CDH13: variants seen among roughly 807,000 people sequenced by gnomAD.
CDH13 encodes the protein cadherin 13.
In CDH13, 24 loss-of-function variants were observed where a neutral mutation model predicts 63.8. The observed-to-expected ratio is 0.38, with a 90% CI of 0.27 to 0.53. The LOEUF (loss-of-function observed/expected upper bound fraction) is 0.53. CDH13 is among the 20% of genes least tolerant of loss of function. The pLI, the probability that CDH13 is intolerant of heterozygous loss-of-function variation, is 0.85. For missense variants in CDH13, 1,049 were observed against 903.1 expected (o/e 1.16, Z -2.07); for synonymous variants, 503 against 355.3 (o/e 1.42, Z -4.67).
intron 1 of CDH13, among the ~76,000 whole-genome samples, chr16:82,654,660 C>T (rs185903891): frequency 2.8e-4 from 43 of 152,184 alleles, no homozygotes; most frequent in Admixed American, 1.0e-3. Context: ...TGGGGGCAGA[C>T]ATCCTTAGGG....
At chr16:82,663,715 T>C (rs1011197736) in intron 1 of CDH13, among the ~76,000 whole-genome samples, 2 of 152,198 alleles carry the variant, frequency 1.3e-5, no homozygotes, top group Non-Finnish European at 2.9e-5. Context: ...GTTGATCTGG[T>C]TGTCTGATTC....
intron 2 of CDH13, among the ~76,000 whole-genome samples, chr16:82,873,104 A>T (rs146549911): frequency 2.1e-4 from 32 of 152,158 alleles, no homozygotes; most frequent in Non-Finnish European, 4.1e-4. Context: ...TTTTCTAAGA[A>T]GCCAAGTCCT....
chr16:82,975,176 A>AT (rs1909324188), intron 2 of CDH13, among the ~76,000 whole-genome samples: 1 of 152,214 alleles, frequency 6.6e-6, no homozygotes, highest in African/African-American at 2.4e-5. Context: ...GAGATGGGGG[A>AT]TGGCCTTGGG....
At chr16:82,639,250 G>C in intron 1 of CDH13, 1 of 578,934 alleles carries the variant, frequency 1.7e-6, no homozygotes, top group Non-Finnish European at 2.9e-6. Context: ...GTCTCTCAAA[G>C]TGGGTCTGGG....
chr16:82,956,027 C>A (rs1906039302), intron 2 of CDH13, among the ~76,000 whole-genome samples: 1 of 152,158 alleles, frequency 6.6e-6, no homozygotes, highest in Non-Finnish European at 1.5e-5. Flanking sequence ...TCCCATAGTT[C>A]ATTGAACTCT....
chr16:83,588,798 G>C (rs896582131), intron 7 of CDH13, among the ~76,000 whole-genome samples: 9 of 152,202 alleles, frequency 5.9e-5, no homozygotes, highest in African/African-American at 9.6e-5. Flanking sequence ...AATGACAGAG[G>C]ATGTCATCCT....
chr16:83,063,865 A>G (rs2031787722), intron 3 of CDH13, among the ~76,000 whole-genome samples: 1 of 152,108 alleles, frequency 6.6e-6, no homozygotes, highest in Non-Finnish European at 1.5e-5. Context: ...TTACAACTTC[A>G]AAGGCAATTG....
intron 3 of CDH13, among the ~76,000 whole-genome samples, chr16:83,084,283 C>T (rs1008608572): frequency 6.6e-6 from 1 of 152,130 alleles, no homozygotes; most frequent in Non-Finnish European, 1.5e-5. Flanking sequence ...GATCTGTGAC[C>T]TGGGAAAAGT....
In CDH13 at chr16:83,489,031, C is replaced by T. The variant is rs542898092; in HGVS notation, c.960+2376C>T. On this transcript the variant is annotated intron_variant, in intron 7 of 13. Coordinates refer to ENST00000567109, the MANE Select transcript of CDH13 (RefSeq NM_001257.5). ...TGACACGTGTGTGCAGGTGCACACA[C>T]ACATGCCAGCTTTTCTATAGTCCTT... is the stretch of plus-strand genomic sequence containing the variant. Among the ~76,000 whole-genome samples the T allele has an allele frequency of 2.6e-5, 4 of 152,326 alleles. No individual in the cohort carries two copies. In the South Asian group the frequency reaches 8.3e-4, roughly 32 times the overall value.
intron 2 of CDH13, among the ~76,000 whole-genome samples, chr16:82,935,109 GGTTTAATTGACTCAC>G (rs2042626540): frequency 6.6e-6 from 1 of 152,322 alleles, no homozygotes; most frequent in African/African-American, 2.4e-5. Flanking sequence ...AAAGTAAAGT[GGTTTAATTGACTCAC>G]AGTTTTGCAG....
Position 83,431,545 on chromosome 16 carries a change from G to C in CDH13, c.782-54932G>C, listed in dbSNP as rs1043802688. On this transcript the variant is annotated intron_variant, in intron 6 of 13. Transcript: ENST00000567109. ...AATTTATAAAAAATTTTTTAAAAAGGCTTAATTGGGTCACAGTTCTGCAGG... is the reference window on the plus strand; with the variant it reads ...AATTTATAAAAAATTTTTTAAAAAGCCTTAATTGGGTCACAGTTCTGCAGG... 1.3e-5 allele frequency among the ~76,000 whole-genome samples: 2 copies of C among 152,010 alleles called. 1 individual carries two copies. Among genetic ancestry groups the C allele is most frequent in the Middle Eastern group, 6.3e-3 (2 of 316 alleles).
chr16:82,628,554 G>C (rs1053368555), intron 1 of CDH13, among the ~76,000 whole-genome samples: 32 of 152,156 alleles, frequency 2.1e-4, no homozygotes, highest in Non-Finnish European at 4.3e-4. Flanking sequence ...GTGCCCGGCT[G>C]CTGAGCCCGC....
chr16:83,357,270 C>G (rs1265101534), intron 6 of CDH13, among the ~76,000 whole-genome samples: 1 of 152,108 alleles, frequency 6.6e-6, no homozygotes, highest in Admixed American at 6.6e-5. Context: ...TGCTTGTTGG[C>G]TCACACTAAA....
chr16:82,770,095 G>A (rs2035205863), intron 1 of CDH13, among the ~76,000 whole-genome samples: 1 of 152,244 alleles, frequency 6.6e-6, no homozygotes, highest in African/African-American at 2.4e-5. Context: ...GGCTTGGGAA[G>A]TTCTCCTTTG....
chr16:82,833,315 C>A (rs904457316), intron 1 of CDH13, among the ~76,000 whole-genome samples: 1 of 152,210 alleles, frequency 6.6e-6, no homozygotes, highest in Non-Finnish European at 1.5e-5. Flanking sequence ...AAATAATTCT[C>A]ACTGACATTT....
At chr16:82,954,225 G>C (rs540253022) in intron 2 of CDH13, 4 of 152,248 alleles carry the variant, frequency 2.6e-5, no homozygotes, top group African/African-American at 9.6e-5. Flanking sequence ...TGAGGAAGCT[G>C]GGTATTGCTC....
intron 8 of CDH13, among the ~76,000 whole-genome samples, chr16:83,635,510 A>T (rs1369515520): frequency 6.6e-6 from 1 of 151,056 alleles, no homozygotes; most frequent in East Asian, 2.0e-4. Flanking sequence ...TGCCCAGCTA[A>T]TTTTTGTATT....
chr16:83,011,327 A>G (rs72794172), intron 2 of CDH13, among the ~76,000 whole-genome samples: 2 of 152,114 alleles, frequency 1.3e-5, no homozygotes, highest in Admixed American at 6.5e-5. Flanking sequence ...GTCTTAGCAC[A>G]CTGTTCAGCT....
chr16:83,453,225 G>A (rs2072929750), intron 6 of CDH13, among the ~76,000 whole-genome samples: 1 of 152,076 alleles, frequency 6.6e-6, no homozygotes, highest in African/African-American at 2.4e-5. Flanking sequence ...GGAAAGGGTG[G>A]GTAGTGTATG....
Sources: allele counts gnomAD v4.1 joint callset (sites outside exome capture counted in the v4.1 genomes callset), GRCh38; gene constraint gnomAD v4.1.1; transcripts MANE v1.5; gene names NCBI Gene and HGNC (gene_info 2026-07-23, HGNC 2026-07-21).